COL13A1: variants seen among roughly 807,000 people sequenced by gnomAD.
COL13A1 encodes collagen alpha-1(XIII) chain.
Under a neutral mutation model 130.9 loss-of-function variants are expected in COL13A1, and 89 were observed. The ratio of observed to expected loss-of-function variants is 0.68; its 90% CI spans 0.57 to 0.81. The LOEUF is 0.81. Among genes scored for constraint, COL13A1 ranks in the 30% least tolerant of loss-of-function variants. The pLI is 0.00. For synonymous variants in COL13A1, 402 were observed against 341.6 expected, an observed-to-expected ratio of 1.18 and a Z score of -1.95; for missense variants, 879 against 934.6, an observed-to-expected ratio of 0.94 and a Z score of 0.78.
intron 2 of COL13A1, among the ~76,000 whole-genome samples, chr10:69,828,478 A>T (rs967836224): frequency 3.9e-5 from 6 of 152,144 alleles, no homozygotes; most frequent in African/African-American, 1.4e-4. Context: ...CCCATCCCAA[A>T]GATAAGCCCA....
At chr10:69,832,380 C>T (rs1849032180) in intron 2 of COL13A1, among the ~76,000 whole-genome samples, 1 of 152,318 alleles carries the variant, frequency 6.6e-6, no homozygotes, top group South Asian at 2.1e-4. Context: ...CAAAAGCCAC[C>T]TACCCTCTCT....
At chr10:69,923,591 C>T (rs1024498777) in intron 23 of COL13A1, among the ~76,000 whole-genome samples, 1 of 152,156 alleles carries the variant, frequency 6.6e-6, no homozygotes, top group African/African-American at 2.4e-5. Context: ...GGAAGGAAAG[C>T]AGGAGTGGGC....
chr10:69,943,305 CTG>C (rs1427246025), intron 35 of COL13A1, among the ~76,000 whole-genome samples: 3 of 152,236 alleles, frequency 2.0e-5, no homozygotes, highest in Admixed American at 1.3e-4. Context: ...GCACAGGAAA[CTG>C]TCCACAGCCC....
intron 2 of COL13A1, among the ~76,000 whole-genome samples, chr10:69,825,018 G>A (rs534763517): frequency 1.3e-5 from 2 of 152,288 alleles, no homozygotes; most frequent in East Asian, 3.9e-4. Flanking sequence ...CTCTCTGACT[G>A]ACCTGAGGCT....
chr10:69,811,579 G>A (rs987171999), intron 1 of COL13A1, among the ~76,000 whole-genome samples: 4 of 152,164 alleles, frequency 2.6e-5, no homozygotes, highest in Non-Finnish European at 5.9e-5. Flanking sequence ...AGGTCAGAGG[G>A]TGCTCCGGAC....
Position 69,905,915 on chromosome 10 carries a change from A to G in COL13A1, c.921+93A>G, listed in dbSNP as rs545809250. 2.1e-5 allele frequency: 30 copies of G among 1,433,596 alleles called. No individual in the cohort carries two copies. In the African/African-American group the frequency reaches 3.9e-4, roughly 19 times the overall value. The allele number at this position is 1,433,596 out of a possible 1,614,324, so 88.8% of individuals were successfully genotyped here. ...GACCCAAGAGGGTCTCTCCCTTCCAACCTAGGTGGCTGTGCCTGTAGTGAG... is the reference window on the plus strand; with the variant it reads ...GACCCAAGAGGGTCTCTCCCTTCCAGCCTAGGTGGCTGTGCCTGTAGTGAG... On this transcript the variant is annotated intron_variant, in intron 17 of 40. Coordinates refer to ENST00000645393, the MANE Select transcript of COL13A1 (RefSeq NM_001368882.1).
intron 2 of COL13A1, among the ~76,000 whole-genome samples, chr10:69,831,580 T>C (rs1446364215): frequency 6.6e-6 from 1 of 152,298 alleles, no homozygotes; most frequent in East Asian, 1.9e-4. Flanking sequence ...AATGAAGATG[T>C]TGGTGCTTGC....
intron 2 of COL13A1, among the ~76,000 whole-genome samples, chr10:69,846,369 G>A (rs1853079933): frequency 6.6e-6 from 1 of 151,982 alleles, no homozygotes; most frequent in Non-Finnish European, 1.5e-5. Flanking sequence ...GACATAACCC[G>A]AGCTGGGGTT....
intron 12 of COL13A1, among the ~76,000 whole-genome samples, chr10:69,895,307 G>A (rs888370164): frequency 1.3e-5 from 2 of 152,200 alleles, no homozygotes; most frequent in Non-Finnish European, 2.9e-5. Flanking sequence ...ATAAGGCGAA[G>A]CCCCACCCCT....
At chr10:69,958,633 C>T in intron 40 of COL13A1, 66 bp from the exon 41 acceptor site, 8 of 1,611,340 alleles carry the variant, frequency 5.0e-6, no homozygotes, top group Non-Finnish European at 6.8e-6. Context: ...TCCCTTCCTA[C>T]AAAGGAAATA....
intron 31 of COL13A1, among the ~76,000 whole-genome samples, chr10:69,933,160 A>C (rs975110653): frequency 4.0e-5 from 6 of 148,630 alleles, no homozygotes; most frequent in African/African-American, 7.6e-5. Context: ...AAAAAAAAAA[A>C]AAAAAAACAG....
intron 2 of COL13A1, among the ~76,000 whole-genome samples, chr10:69,865,826 T>C (rs550588137): frequency 5.3e-5 from 8 of 151,634 alleles, no homozygotes; most frequent in African/African-American, 1.7e-4. Flanking sequence ...AATTGCAGGG[T>C]GGGGGGTAGG....
chr10:69,889,407 C>CT lies in COL13A1; in HGVS notation c.577-5dup. 6.2e-7 allele frequency: 1 copy of CT among 1,610,688 alleles called. No homozygotes were observed. The highest frequency in any genetic ancestry group is 1.1e-5 in the South Asian group (1 of 89,988). On this transcript the variant is annotated splice_polypyrimidine_tract_variant and splice_region_variant and intron_variant, in intron 9 of 40. Coordinates refer to ENST00000645393, the MANE Select transcript of COL13A1 (RefSeq NM_001368882.1). The stretch of plus-strand genomic sequence containing the variant: ...TGCACCTGGTACTCACCCTCTTCTC[C>CT]TTCCAGGGCCACCCAGGACCAAAGG...
intron 5 of COL13A1, among the ~76,000 whole-genome samples, chr10:69,875,372 C>G (rs1286736070): frequency 6.6e-6 from 1 of 152,220 alleles, no homozygotes; most frequent in Non-Finnish European, 1.5e-5. Flanking sequence ...CAGTATGGCA[C>G]TACTCTCCAG....
chr10:69,820,783 C>G (rs796508061), intron 1 of COL13A1, among the ~76,000 whole-genome samples: 11 of 152,280 alleles, frequency 7.2e-5, no homozygotes, highest in African/African-American at 2.4e-4. Flanking sequence ...TGTTCCCTCC[C>G]CAGGCATTTG....
chr10:69,944,236 C>T (rs376886704), intron 36 of COL13A1, 58 bp downstream of exon 36: 14 of 1,449,386 alleles, frequency 9.7e-6, no homozygotes, highest in Non-Finnish European at 1.1e-5. Context: ...TGCCTGGGAC[C>T]CAACACCAGG....
At chr10:69,894,132 C>T (rs2061427157) in intron 10 of COL13A1, among the ~76,000 whole-genome samples, 1 of 152,300 alleles carries the variant, frequency 6.6e-6, no homozygotes, top group East Asian at 1.9e-4. Context: ...GGCCCAGCAC[C>T]CCCAGGCCAG....
intron 1 of COL13A1, among the ~76,000 whole-genome samples, chr10:69,803,095 G>A (rs1840509661): frequency 6.6e-6 from 1 of 152,202 alleles, no homozygotes; most frequent in South Asian, 2.1e-4. Context: ...CCGCGCAGCG[G>A]CAAGCGCGCC....
At chr10:69,839,806 G>A (rs916471475) in intron 2 of COL13A1, among the ~76,000 whole-genome samples, 3 of 152,216 alleles carry the variant, frequency 2.0e-5, no homozygotes, top group Admixed American at 6.5e-5. Context: ...CAGAGAGAGA[G>A]CTCAGGGAGG....
Sources: allele counts gnomAD v4.1 joint callset (sites outside exome capture counted in the v4.1 genomes callset), GRCh38; gene constraint gnomAD v4.1.1; transcripts MANE v1.5; gene names NCBI Gene and HGNC (gene_info 2026-07-23, HGNC 2026-07-21).